The following DNAJB11 variants were observed in gnomAD, a reference collection of about 807,000 sequenced individuals.
DNAJB11 encodes the protein DnaJ heat shock protein family (Hsp40) member B11.
Under a neutral mutation model 47.2 loss-of-function variants are expected in DNAJB11, and 30 were observed. The ratio of observed to expected loss-of-function variants is 0.64; its 90% CI spans 0.48 to 0.86. The LOEUF (loss-of-function observed/expected upper bound fraction) is 0.86. DNAJB11 is among the 40% of genes least tolerant of loss of function. The pLI is 0.00. For missense variants in DNAJB11, 357 were observed against 440.2 expected (o/e 0.81, Z 1.69); for synonymous variants, 151 against 159.9 (o/e 0.94, Z 0.42).
chr3:186,571,276 G>A (rs978555533), intron 1 of DNAJB11, among the ~76,000 whole-genome samples: 1 of 152,232 alleles, frequency 6.6e-6, no homozygotes, highest in African/African-American at 2.4e-5. Flanking sequence ...GTGGTTGCGA[G>A]CTGAAGCAGT....
intron 4 of DNAJB11, chr3:186,578,101 C>T (rs1464628595): frequency 5.8e-6 from 1 of 172,686 alleles, no homozygotes; most frequent in African/African-American, 2.4e-5. Flanking sequence ...CTTTATTGTT[C>T]TTTTGCCATT....
chr3:186,579,531 T>A (rs993093179), intron 4 of DNAJB11: 4 of 152,254 alleles, frequency 2.6e-5, no homozygotes, highest in African/African-American at 9.6e-5. Context: ...AATCTTTTTT[T>A]AAGCAAAGTA....
intron 1 of DNAJB11, 104 bp from the exon 2 acceptor site, chr3:186,571,990 CT>C: frequency 1.0e-6 from 1 of 1,000,004 alleles, no homozygotes; most frequent in African/African-American, 1.6e-5. Context: ...TTTTATACCT[CT>C]TTGCTCAGAT....
At position 186,570,774 on chromosome 3, in the gene DNAJB11, C is replaced by T. The variant is rs977963649; in HGVS notation, c.-124C>T. 4 of 844,950 alleles carry T rather than the reference C, an allele frequency of 4.7e-6. No homozygotes were observed. The South Asian group carries it at 6.2e-5, about 13-fold the overall frequency. 52.3% of individuals were successfully genotyped at this position (844,950 alleles called of 1,614,324 possible). On this transcript the variant is annotated 5_prime_UTR_variant, in exon 1 of 10. Coordinates refer to ENST00000265028, the MANE Select transcript of DNAJB11 (RefSeq NM_016306.6). ...GGGCTAGCTAGCTGTCTCTGCGGAC[C>T]AAGGAGACCCCCGCGCCCCCCCGGT...
intron 2 of DNAJB11, 65 bp downstream of exon 2, chr3:186,572,316 GA>G: frequency 1.4e-6 from 2 of 1,384,126 alleles, no homozygotes; most frequent in South Asian, 2.6e-5. Flanking sequence ...ATACAATACA[GA>G]GAAACACTCC....
At chr3:186,581,224 GT>G (rs1560236932) in intron 4 of DNAJB11, 146 bp from the exon 5 acceptor site, 2 of 879,570 alleles carry the variant, frequency 2.3e-6, no homozygotes, top group Non-Finnish European at 3.4e-6. Context: ...TCTTCAAAGA[GT>G]TTTGTCAGCT....
chr3:186,574,510 G>C (rs7609902), intron 2 of DNAJB11, among the ~76,000 whole-genome samples: 2 of 150,056 alleles, frequency 1.3e-5, no homozygotes, highest in Non-Finnish European at 1.5e-5. Flanking sequence ...GCCCATTTCT[G>C]CTTCCCCAAA....
At chr3:186,580,855 A>G (rs10937253) in intron 4 of DNAJB11, 43,605 of 152,326 alleles carry the variant, frequency 0.29, 8,355 homozygotes, top group African/African-American at 0.54. Context: ...CTCTTCCTAC[A>G]TGTTAAAGTA....
Position 186,570,750 on chromosome 3 carries a change from GGCTA to G in DNAJB11, c.-140_-137del. ...CGGGAAGTGGACCGGCAGAAGAGGG[GGCTA>G]GCTAGCTGTCTCTGCGGACCAAGGA... On this transcript the variant is annotated 5_prime_UTR_variant, in exon 1 of 10. Transcript: ENST00000265028. 8.6e-6 allele frequency: 6 copies of G among 701,716 alleles called. No individual in the cohort carries two copies. The South Asian group carries it at 1.0e-4, about 12-fold the overall frequency. 43.5% of individuals were successfully genotyped at this position (701,716 alleles called of 1,614,324 possible).
At chr3:186,572,865 A>G (rs1467450569) in intron 2 of DNAJB11, among the ~76,000 whole-genome samples, 1 of 152,224 alleles carries the variant, frequency 6.6e-6, no homozygotes, top group Non-Finnish European at 1.5e-5. Context: ...TGCAAACAGT[A>G]TGTTCCTGGA....
intron 7 of DNAJB11, 95 bp downstream of exon 7, chr3:186,582,868 AC>A (rs1003768721): frequency 1.1e-6 from 1 of 871,792 alleles, no homozygotes; most frequent in Non-Finnish European, 1.9e-6. Context: ...TCTGTTTCTT[AC>A]CCTTATTACC....
chr3:186,581,984 C>G lies in DNAJB11; in HGVS notation c.600-11C>G. 1 of 1,606,872 alleles carries G rather than the reference C, an allele frequency of 6.2e-7. No homozygotes were observed. Among genetic ancestry groups the G allele is most frequent in the Non-Finnish European group, 8.5e-7 (1 of 1,174,596 alleles). ...ATTATTTTTCTCCTCTTTTAATTCT[C>G]TTTACCTCAGACTAGTGAATGAAGA... On this transcript the variant is annotated splice_polypyrimidine_tract_variant and intron_variant, in intron 5 of 9. Coordinates refer to ENST00000265028, the MANE Select transcript of DNAJB11 (RefSeq NM_016306.6).
chr3:186,582,931 C>T (rs1315219712), intron 7 of DNAJB11, among the ~76,000 whole-genome samples, 158 bp downstream of exon 7: 1 of 152,056 alleles, frequency 6.6e-6, no homozygotes, highest in Non-Finnish European at 1.5e-5. Flanking sequence ...GGGGTTGGGC[C>T]CTAGGATTGA....
rs965107566 is a variant in DNAJB11, at chr3:186,577,739, G to A, written c.395G>A (p.Ser132Asn). The change falls in exon 4 of 10, where the codon AGT becomes AAT. Residue 132 changes from serine (S) to asparagine (N), a missense_variant. By Grantham distance (46) the Ser-to-Asn change is conservative (BLOSUM62 1). Coordinates refer to ENST00000265028, the MANE Select transcript of DNAJB11 (RefSeq NM_016306.6). ...CAAGACAGAAATATTCCAAGAGGAA[G>A]TGATATTATTGTAGATCTAGAAGTC... is the stretch of plus-strand genomic sequence containing the variant. ...RQQDRNIPRG[S>N]DIIVDLEVTL... 1 of 1,609,182 alleles carries A rather than the reference G, an allele frequency of 6.2e-7. No individual in the cohort carries two copies. Among genetic ancestry groups the A allele is most frequent in the African/African-American group, 1.3e-5 (1 of 74,640 alleles).
At chr3:186,575,362 C>CAT (rs1715241241) in intron 2 of DNAJB11, among the ~76,000 whole-genome samples, 2 of 110,138 alleles carry the variant, frequency 1.8e-5, no homozygotes, top group Non-Finnish European at 4.0e-5. Flanking sequence ...CATGCGCGCG[C>CAT]GCGCGCGTGT....
intron 9 of DNAJB11, 36 bp downstream of exon 9, chr3:186,584,625 G>GTGTGTGTGTGTT: frequency 1.3e-6 from 2 of 1,501,640 alleles, no homozygotes; most frequent in South Asian, 1.3e-5. Context: ...GTGTGTGTTT[G>GTGTGTGTGTGTT]TGTGTGTGTA....
At chr3:186,571,017 G>T in intron 1 of DNAJB11, 52 bp downstream of exon 1, 1 of 1,147,314 alleles carries the variant, frequency 8.7e-7, no homozygotes, top group Non-Finnish European at 1.2e-6. Context: ...GCCTTTGCTG[G>T]GGGGTGGGAG....
intron 5 of DNAJB11, 27 bp from the exon 6 acceptor site, chr3:186,581,968 C>T (rs1715500798): frequency 1.3e-6 from 2 of 1,553,758 alleles, no homozygotes; most frequent in East Asian, 4.6e-5. Context: ...CATTATTTTT[C>T]TCCTCTTTTA....
Position 186,584,595 on chromosome 3 carries a change from G to C in DNAJB11, c.1012+6G>C, listed in dbSNP as rs1473659193. Reference sequence around the variant, plus strand: ...AACAGAGGAAGCGAGAGAAGGTATGGCATATTAGTGTGTGTGTGTGTGTGT... The same window carrying C: ...AACAGAGGAAGCGAGAGAAGGTATGCCATATTAGTGTGTGTGTGTGTGTGT... On this transcript the variant is annotated splice_donor_region_variant and intron_variant, in intron 9 of 9. Transcript: ENST00000265028. 1.3e-6 allele frequency: 2 copies of C among 1,595,642 alleles called. No homozygotes were observed. Among genetic ancestry groups the C allele is most frequent in the Non-Finnish European group, 1.7e-6 (2 of 1,174,038 alleles).
Sources: allele counts gnomAD v4.1 joint callset (sites outside exome capture counted in the v4.1 genomes callset), GRCh38; gene constraint gnomAD v4.1.1; transcripts MANE v1.5; gene names NCBI Gene and HGNC (gene_info 2026-07-23, HGNC 2026-07-21).